ASPRV1: variants seen among roughly 807,000 people sequenced by gnomAD.
The protein encoded by ASPRV1 is aspartic peptidase retroviral like 1, also known as retroviral-like aspartic protease 1.
Under a neutral mutation model 11.0 loss-of-function variants are expected in ASPRV1, and 7 were observed. The ratio of observed to expected loss-of-function variants is 0.64; its 90% CI spans 0.36 to 1.20. ASPRV1 has a LOEUF of 1.20. Among genes scored for constraint, ASPRV1 ranks in the 50% most tolerant of loss-of-function variants. The probability of loss-of-function intolerance (pLI) is 0.02; values close to 1 mark genes in which losing one functional copy is unlikely to be tolerated. For missense variants in ASPRV1, 299 were observed against 320.0 expected (o/e 0.93, Z 0.50); for synonymous variants, 136 against 138.4 (o/e 0.98, Z 0.12).
At chr2:70,037,324 C>G in the ASPRV1 span, among the ~76,000 whole-genome samples, 1 of 152,130 alleles carries the variant, frequency 6.6e-6, no homozygotes, top group African/African-American at 2.4e-5. Flanking sequence ...CCTCAACTTC[C>G]TAAAGTGCTG....
At chr2:70,008,271 C>T in the ASPRV1 span, among the ~76,000 whole-genome samples, 1 of 152,028 alleles carries the variant, frequency 6.6e-6, no homozygotes, top group Non-Finnish European at 1.5e-5. Context: ...TAATATAATA[C>T]AAGCCATAGG....
chr2:70,008,576 T>C, the ASPRV1 span, among the ~76,000 whole-genome samples: 1 of 152,052 alleles, frequency 6.6e-6, no homozygotes, highest in African/African-American at 2.4e-5. Context: ...CAGGACAGCT[T>C]TGAATGTGGC....
At chr2:70,021,788 C>A in the ASPRV1 span, among the ~76,000 whole-genome samples, 20 of 152,002 alleles carry the variant, frequency 1.3e-4, no homozygotes, top group African/African-American at 3.1e-4. Flanking sequence ...CTGCAACCTC[C>A]GCCTCCCGGG....
At chr2:70,003,474 TC>T in the ASPRV1 span, among the ~76,000 whole-genome samples, 2 of 152,180 alleles carry the variant, frequency 1.3e-5, no homozygotes, top group African/African-American at 4.8e-5. Context: ...ATCTTTTGAG[TC>T]CCCTGAGCAC....
chr2:70,020,088 A>G, the ASPRV1 span, among the ~76,000 whole-genome samples: 1 of 152,096 alleles, frequency 6.6e-6, no homozygotes, highest in Non-Finnish European at 1.5e-5. Flanking sequence ...AAAATCAAAA[A>G]TAACAAGTGT....
At chr2:70,022,348 C>T in the ASPRV1 span, among the ~76,000 whole-genome samples, 1 of 95,260 alleles carries the variant, frequency 1.0e-5, no homozygotes, top group African/African-American at 5.6e-5. Context: ...CTTACCAAAA[C>T]ACACACACAC....
chr2:69,967,857 G>C, the ASPRV1 span, among the ~76,000 whole-genome samples: 1 of 152,138 alleles, frequency 6.6e-6, no homozygotes, highest in Non-Finnish European at 1.5e-5. Context: ...GAGGTGGGTG[G>C]ATCACCTGAG....
the ASPRV1 span, among the ~76,000 whole-genome samples, chr2:70,015,123 A>T: frequency 4.6e-5 from 7 of 152,352 alleles, no homozygotes; most frequent in South Asian, 1.0e-3. Context: ...AAAAATTTAA[A>T]AACAGACCCA....
At chr2:70,045,674 C>G in the ASPRV1 span, 1 of 152,052 alleles carries the variant, frequency 6.6e-6, no homozygotes, top group Non-Finnish European at 1.5e-5. Context: ...TTTAAAAAAG[C>G]CTGGTTGGGA....
the ASPRV1 span, among the ~76,000 whole-genome samples, chr2:69,951,481 G>A: frequency 2.3e-3 from 206 of 89,668 alleles, no homozygotes; most frequent in Non-Finnish European, 3.1e-3. Flanking sequence ...GTGTGTGTGT[G>A]TGTATATCTA....
At chr2:70,025,491 C>T in the ASPRV1 span, among the ~76,000 whole-genome samples, 1 of 152,146 alleles carries the variant, frequency 6.6e-6, no homozygotes, top group African/African-American at 2.4e-5. Context: ...CCCAACATTG[C>T]TGTGGTCAAG....
the ASPRV1 span, among the ~76,000 whole-genome samples, chr2:69,933,318 A>G: frequency 6.6e-6 from 1 of 152,098 alleles, no homozygotes; most frequent in Non-Finnish European, 1.5e-5. Context: ...TTCTAATAAC[A>G]TGATCTATTT....
chr2:70,085,687 A>C, the ASPRV1 span: 1 of 152,248 alleles, frequency 6.6e-6, no homozygotes, highest in South Asian at 2.1e-4. Flanking sequence ...CCATGGTAAA[A>C]ATTAAAGATA....
the ASPRV1 span, among the ~76,000 whole-genome samples, chr2:69,994,813 C>G: frequency 6.6e-6 from 1 of 150,952 alleles, no homozygotes; most frequent in Non-Finnish European, 1.5e-5. Flanking sequence ...CTGGCTAACA[C>G]GGTGAAACCC....
At chr2:69,935,239 T>C in the ASPRV1 span, 3 of 717,656 alleles carry the variant, frequency 4.2e-6, no homozygotes, top group Non-Finnish European at 7.5e-6. Flanking sequence ...ATTGGTAGCA[T>C]TTGCCATCGC....
the ASPRV1 span, among the ~76,000 whole-genome samples, chr2:69,982,837 T>C: frequency 6.6e-6 from 1 of 152,156 alleles, no homozygotes; most frequent in Non-Finnish European, 1.5e-5. Flanking sequence ...CATCGCTGCG[T>C]CAGAACCCTG....
At chr2:70,085,073 ACTCTGTCATG>A in the ASPRV1 span, among the ~76,000 whole-genome samples, 1 of 151,762 alleles carries the variant, frequency 6.6e-6, no homozygotes, top group Non-Finnish European at 1.5e-5. Flanking sequence ...CTGACCTAAC[ACTCTGTCATG>A]CTCTGTCAAT....
chr2:69,941,863 TAC>T, the ASPRV1 span: 1,313 of 144,648 alleles, frequency 9.1e-3, 16 homozygotes, highest in African/African-American at 0.031. Context: ...TATCTATATA[TAC>T]ACACACACAC....
chr2:69,959,619 C>T (rs1678017186), downstream of ASPRV1, among the ~76,000 whole-genome samples: 1 of 152,140 alleles, frequency 6.6e-6, no homozygotes, highest in Non-Finnish European at 1.5e-5. Context: ...TTGCCACAGC[C>T]TCCCCCGTCC....
Sources: gnomAD v4.1 joint callset for allele counts (sites outside exome capture counted in the v4.1 genomes callset) on GRCh38, gnomAD v4.1.1 for gene constraint, MANE v1.5 for transcripts, NCBI Gene and HGNC (gene_info 2026-07-23, HGNC 2026-07-21) for gene names.